Variants in LUC7L observed in about 807,000 individuals in gnomAD.
The protein encoded by LUC7L is putative RNA-binding protein Luc7-like 1.
In LUC7L, 29 loss-of-function variants were observed where a neutral mutation model predicts 51.1. That is an observed-to-expected ratio of 0.57 (90% CI 0.42 to 0.77). The LOEUF is 0.77. Ranked by LOEUF, LUC7L falls within the 30% of genes least tolerant of loss-of-function variation. The probability of loss-of-function intolerance (pLI) is 0.00; values close to 1 mark genes in which losing one functional copy is unlikely to be tolerated. For synonymous variants in LUC7L, 181 were observed against 180.7 expected (o/e 1.00, Z -0.01); for missense variants, 403 against 511.9 (o/e 0.79, Z 2.05).
At chr16:216,162 C>A (rs909552806) in intron 3 of LUC7L, among the ~76,000 whole-genome samples, 1 of 151,834 alleles carries the variant, frequency 6.6e-6, no homozygotes, top group Admixed American at 6.6e-5. Flanking sequence ...GCACCACGCC[C>A]GGCTAATTTT....
chr16:223,652 T>C lies in LUC7L; in HGVS notation c.157-2905A>G, dbSNP rs1258320277. Among the ~76,000 whole-genome samples, 3 of 152,082 alleles carry C rather than the reference T, an allele frequency of 2.0e-5. No individual in the cohort carries two copies. The East Asian group carries it at 5.8e-4, about 29-fold the overall frequency. On this transcript the variant is annotated intron_variant, in intron 2 of 9. Coordinates refer to ENST00000293872, the MANE Select transcript of LUC7L (RefSeq NM_201412.3). ...ACTGTCACTGAAAATCTGACAACTT[T>C]TACCTCATTCACTCTGTTTTTTCTT... is the stretch of plus-strand genomic sequence containing the variant.
intron 5 of LUC7L, 22 bp from the exon 6 acceptor site, chr16:199,260 A>G (rs1260630220): frequency 3.8e-6 from 6 of 1,563,728 alleles, no homozygotes; most frequent in Middle Eastern, 3.4e-4. Context: ...AAATGGAGAA[A>G]TAAAAGTGAG....
chr16:217,294 G>A (rs866752069), intron 3 of LUC7L, among the ~76,000 whole-genome samples: 1 of 152,096 alleles, frequency 6.6e-6, no homozygotes, highest in African/African-American at 2.4e-5. Flanking sequence ...TGGAATTACA[G>A]CTGTAAGCCA....
chr16:213,664 C>T (rs1349078492), intron 3 of LUC7L, among the ~76,000 whole-genome samples: 1 of 152,170 alleles, frequency 6.6e-6, no homozygotes, highest in African/African-American at 2.4e-5. Context: ...CTCGGCCTCC[C>T]AAAGTGCTGA....
Position 208,198 on chromosome 16 carries a change from G to T in LUC7L, c.256-10C>A. On this transcript the variant is annotated splice_polypyrimidine_tract_variant and intron_variant, in intron 3 of 9. Transcript: ENST00000293872. ...CCAAGTGATCCATTGCCTAGCACGG[G>T]AAAAGCACAGCGCTATAATCAATGA... 6.4e-7 allele frequency: 1 copy of T among 1,570,510 alleles called. No individual in the cohort carries two copies. The highest frequency in any genetic ancestry group is 8.8e-7 in the Non-Finnish European group (1 of 1,140,744).
In LUC7L at chr16:223,819, G is replaced by A. The variant is rs564928990; in HGVS notation, c.157-3072C>T. ...CGAATAGCTGGGACTACAGGGGCAC[G>A]CCACCACGCCCGGCTAATATTTTTG... On this transcript the variant is annotated intron_variant, in intron 2 of 9. Coordinates refer to ENST00000293872, the MANE Select transcript of LUC7L (RefSeq NM_201412.3). Among the ~76,000 whole-genome samples the A allele has an allele frequency of 7.9e-5, 12 of 151,946 alleles. No homozygotes were observed. The South Asian group carries it at 1.0e-3, about 13-fold the overall frequency.
intron 7 of LUC7L, among the ~76,000 whole-genome samples, chr16:191,565 G>A (rs1307271010): frequency 1.3e-5 from 2 of 152,188 alleles, no homozygotes; most frequent in South Asian, 2.1e-4. Flanking sequence ...AACAACAAAC[G>A]GCCGGGCGTG....
At chr16:217,696 A>T (rs377123744) in intron 3 of LUC7L, among the ~76,000 whole-genome samples, 1 of 147,936 alleles carries the variant, frequency 6.8e-6, no homozygotes, top group South Asian at 2.2e-4. Flanking sequence ...AACAAGAGTG[A>T]GACTCTGTTT....
At chr16:217,723 T>A (rs769968074) in intron 3 of LUC7L, among the ~76,000 whole-genome samples, 276 of 36,422 alleles carry the variant, frequency 7.6e-3, no homozygotes, top group African/African-American at 0.033. Context: ...AAAAAAAAAT[T>A]TTTTTTTTAA....
intron 5 of LUC7L, among the ~76,000 whole-genome samples, chr16:202,658 A>C (rs1237603495): frequency 1.3e-5 from 2 of 152,176 alleles, no homozygotes; most frequent in Non-Finnish European, 2.9e-5. Context: ...TAATGTTCTC[A>C]CAATGATGAA....
intron 8 of LUC7L, 50 bp downstream of exon 8, chr16:190,491 G>C: frequency 1.3e-6 from 2 of 1,575,736 alleles, no homozygotes. Flanking sequence ...TAAGAAAAAT[G>C]CTTATGGAAA....
At chr16:229,110 C>T in intron 1 of LUC7L, 169 bp downstream of exon 1, 1 of 1,413,918 alleles carries the variant, frequency 7.1e-7, no homozygotes. Flanking sequence ...GCCTCAGAGA[C>T]GCACCGGCTT....
chr16:204,892 A>G (rs906139515), intron 5 of LUC7L, among the ~76,000 whole-genome samples: 6 of 152,146 alleles, frequency 3.9e-5, no homozygotes, highest in Non-Finnish European at 8.8e-5. Flanking sequence ...ACACGATGAA[A>G]AACGCCTAGG....
In LUC7L at chr16:189,333, G is replaced by C; in HGVS notation, c.981C>G (p.Ser327=). The C allele has an allele frequency of 1.2e-6, 2 of 1,607,790 alleles. No individual in the cohort carries two copies. The highest frequency in any genetic ancestry group is 1.7e-5 in the Admixed American group (1 of 59,634). Residue 327 remains serine, a synonymous_variant, in exon 10 of 10, where the codon TCC becomes TCG. Transcript: ENST00000293872. ...ACTCCTCTCTGGATGCCCGCTCTCT[G>C]GAGAACCTGGGAAATGGGAACCAGA... ...SRDRSAKYKF[S]RERASREESW...
intron 4 of LUC7L, 77 bp downstream of exon 4, chr16:208,001 T>A: frequency 1.0e-6 from 1 of 980,430 alleles, no homozygotes; most frequent in Non-Finnish European, 1.6e-6. Context: ...AGAGGGAGAC[T>A]CCATCTCAAA....
intron 1 of LUC7L, chr16:228,589 G>C: frequency 8.4e-7 from 1 of 1,190,772 alleles, no homozygotes; most frequent in Non-Finnish European, 1.1e-6. Flanking sequence ...TCATTACTCA[G>C]CAGAAAAGAA....
rs147183234 is a variant in LUC7L, at chr16:190,722, A to G, written c.777-152T>C. On this transcript the variant is annotated intron_variant, in intron 7 of 9. Coordinates refer to ENST00000293872, the MANE Select transcript of LUC7L (RefSeq NM_201412.3). ...TGGTGAAACCCCGTCTCTACTGAGA[A>G]CACAAAACCTGGCCAGGCGTGGTGG... 9.1e-4 allele frequency: 618 copies of G among 676,652 alleles called. 3 individuals are homozygous for G. In the African/African-American group the frequency reaches 9.8e-3, roughly 11 times the overall value. The allele number at this position is 676,652 out of a possible 1,614,324, so 41.9% of individuals were successfully genotyped here.
chr16:197,411 C>T (rs747700002), intron 6 of LUC7L, among the ~76,000 whole-genome samples: 18 of 152,000 alleles, frequency 1.2e-4, no homozygotes, highest in Admixed American at 2.0e-4. Flanking sequence ...CGGGGTTTCA[C>T]TATGTTGGCC....
Position 200,788 on chromosome 16 carries a change from G to C in LUC7L, c.511-1550C>G, listed in dbSNP as rs567125112. 3.4e-4 allele frequency among the ~76,000 whole-genome samples: 51 copies of C among 151,712 alleles called. 1 individual carries two copies. The South Asian group carries it at 8.3e-3, about 25-fold the overall frequency. On this transcript the variant is annotated intron_variant, in intron 5 of 9. Coordinates refer to ENST00000293872, the MANE Select transcript of LUC7L (RefSeq NM_201412.3). The stretch of plus-strand genomic sequence containing the variant: ...TCCCACCTACTCAAGAGACTGATTC[G>C]AGAGGACTGCTTGAGCCCAGGAGGT...
Sources: gnomAD v4.1 joint callset for allele counts (sites outside exome capture counted in the v4.1 genomes callset) on GRCh38, gnomAD v4.1.1 for gene constraint, MANE v1.5 for transcripts, NCBI Gene and HGNC (gene_info 2026-07-23, HGNC 2026-07-21) for gene names.